CNOT1: variants seen among roughly 807,000 people sequenced by gnomAD.
The protein encoded by CNOT1 is CCR4-NOT transcription complex subunit 1, also known as CCR4-associated factor 1.
A neutral mutation model predicts 273.8 loss-of-function variants in CNOT1; 15 were observed. That is an observed-to-expected ratio of 0.05 (90% CI 0.04 to 0.08). The LOEUF (loss-of-function observed/expected upper bound fraction) is 0.08, where lower values mean the gene tolerates loss of function less well. Ranked by LOEUF, CNOT1 falls within the 10% of genes least tolerant of loss-of-function variation. The pLI is 1.00. For missense variants in CNOT1, 1,644 were observed against 2,912.2 expected, an observed-to-expected ratio of 0.56 and a Z score of 10.02; for synonymous variants, 1,022 against 1,005.5, an observed-to-expected ratio of 1.02 and a Z score of -0.31.
At position 58,586,663 on chromosome 16, in the gene CNOT1, G is replaced by A; in HGVS notation, c.519C>T (p.Phe173=). Reference sequence around the variant, plus strand: ...GTAGGACCTCTATTGCTATATCTTGGAAGCCACCTTCTTGATTTCCACTGA... The same window carrying A: ...GTAGGACCTCTATTGCTATATCTTGAAAGCCACCTTCTTGATTTCCACTGA... ...ADVSGNQEGG[F]QDIAIEVLHL... The change falls in exon 7 of 49, where the codon TTC becomes TTT. Residue 173 remains phenylalanine, a synonymous_variant. Coordinates refer to ENST00000317147, the MANE Select transcript of CNOT1 (RefSeq NM_016284.5). 6.2e-7 allele frequency: 1 copy of A among 1,613,188 alleles called. No individual in the cohort carries two copies. The highest frequency in any genetic ancestry group is 8.5e-7 in the Non-Finnish European group (1 of 1,179,882).
chr16:58,544,567 C>G (rs1259536476), intron 30 of CNOT1, among the ~76,000 whole-genome samples: 1 of 152,116 alleles, frequency 6.6e-6, no homozygotes, highest in Non-Finnish European at 1.5e-5. Flanking sequence ...CCCTCTAAAA[C>G]TAAGTACCAT....
chr16:58,525,902 A>G, intron 45 of CNOT1, 87 bp downstream of exon 45: 1 of 1,111,752 alleles, frequency 9.0e-7, no homozygotes, highest in Non-Finnish European at 1.3e-6. Flanking sequence ...ATAAAAGACT[A>G]ACTCCCAAAT....
chr16:58,609,277 C>A (rs2042801870), intron 1 of CNOT1, among the ~76,000 whole-genome samples: 1 of 151,732 alleles, frequency 6.6e-6, no homozygotes, highest in Non-Finnish European at 1.5e-5. Context: ...GAGGCTGAGG[C>A]AGGAGAATCA....
chr16:58,550,397 ACCT>A (rs1224941975), intron 24 of CNOT1, among the ~76,000 whole-genome samples: 5 of 152,034 alleles, frequency 3.3e-5, no homozygotes, highest in African/African-American at 1.2e-4. Context: ...AGACACCAAG[ACCT>A]CCTCTTCTCC....
At chr16:58,559,008 G>C (rs1427679960) in intron 17 of CNOT1, among the ~76,000 whole-genome samples, 4 of 152,154 alleles carry the variant, frequency 2.6e-5, no homozygotes, top group African/African-American at 4.8e-5. Flanking sequence ...CCCATCATGG[G>C]GATGGGACCC....
intron 25 of CNOT1, among the ~76,000 whole-genome samples, chr16:58,549,323 C>A (rs2040376199): frequency 3.0e-5 from 4 of 134,604 alleles, no homozygotes; most frequent in Admixed American, 1.5e-4. Context: ...GGGGCTACAG[C>A]AAAGAGCATT....
intron 1 of CNOT1, among the ~76,000 whole-genome samples, chr16:58,612,388 TA>T (rs1204182093): frequency 1.3e-5 from 2 of 152,180 alleles, no homozygotes; most frequent in East Asian, 3.8e-4. Flanking sequence ...CATTCTGACC[TA>T]AAAAAGGTCA....
chr16:58,566,062 C>G (rs2041030858), intron 16 of CNOT1, among the ~76,000 whole-genome samples: 1 of 152,264 alleles, frequency 6.6e-6, no homozygotes, highest in East Asian at 1.9e-4. Flanking sequence ...GTATTCTTCT[C>G]AGTGCATTTT....
chr16:58,600,638 T>TA (rs2152010230), intron 1 of CNOT1, among the ~76,000 whole-genome samples: 2 of 152,314 alleles, frequency 1.3e-5, no homozygotes, highest in African/African-American at 4.8e-5. Flanking sequence ...TGAATGGCTG[T>TA]ACAGGTAAGG....
Position 58,605,085 on chromosome 16 carries a change from G to A in CNOT1, c.-174-5574C>T, listed in dbSNP as rs540789674. 2.0e-5 allele frequency among the ~76,000 whole-genome samples: 3 copies of A among 152,208 alleles called. No homozygotes were observed. In the East Asian group the frequency reaches 5.8e-4, roughly 29 times the overall value. On this transcript the variant is annotated intron_variant, in intron 1 of 48. Coordinates refer to ENST00000317147, the MANE Select transcript of CNOT1 (RefSeq NM_016284.5). ...TGGGAGGCGGAGATTGCAGTGAGCC[G>A]AGATCGCGCCACTGCACTGCAGCGT...
rs536733829 is a variant in CNOT1 at position 58,595,801 on chromosome 16, G to T, written c.102+3435C>A. ...ATCACCAGTAATAAAGTATAACCAG[G>T]TGAATGGGAGAGGCAGTAACTAGCC... On this transcript the variant is annotated intron_variant, in intron 2 of 48. Coordinates refer to ENST00000317147, the MANE Select transcript of CNOT1 (RefSeq NM_016284.5). Among the ~76,000 whole-genome samples the T allele has an allele frequency of 3.3e-5, 5 of 152,272 alleles. No individual in the cohort carries two copies. In the South Asian group the frequency reaches 6.2e-4, roughly 19 times the overall value.
At chr16:58,611,337 G>A (rs1329188165) in intron 1 of CNOT1, among the ~76,000 whole-genome samples, 1 of 151,988 alleles carries the variant, frequency 6.6e-6, no homozygotes, top group Non-Finnish European at 1.5e-5. Flanking sequence ...GCTGAGGCAG[G>A]GGAATTGCTT....
Position 58,521,208 on chromosome 16 carries a change from C to A in CNOT1, c.7027G>T (p.Val2343Leu). Residue 2343 changes from valine to leucine, a missense_variant, in exon 48 of 49, where the codon GTA (valine) becomes TTA (leucine). Val to Leu is a conservative substitution (Grantham distance 32). Transcript: ENST00000317147. The part of the protein sequence containing the change: ...PAFKFWNHEF[V>L]HCAPEIEKLF... ...TTTTCGATTTCTGGGGCACAGTGTA[C>A]AAATTCATGGTTCCAGAACTTAAAC... 1 of 1,614,044 alleles carries A rather than the reference C, an allele frequency of 6.2e-7. No individual in the cohort carries two copies. Among genetic ancestry groups the A allele is most frequent in the Non-Finnish European group, 8.5e-7 (1 of 1,180,000 alleles).
At chr16:58,620,356 A>T (rs992601260) in intron 1 of CNOT1, among the ~76,000 whole-genome samples, 25 of 152,066 alleles carry the variant, frequency 1.6e-4, no homozygotes, top group South Asian at 6.2e-4. Flanking sequence ...AAAAAGACGA[A>T]GAGGCTGGGT....
intron 40 of CNOT1, 173 bp from the exon 41 acceptor site, chr16:58,532,568 T>A: frequency 3.5e-6 from 4 of 1,158,470 alleles, no homozygotes; most frequent in Non-Finnish European, 4.7e-6. Flanking sequence ...TTGGTCTGAC[T>A]CCGCCTTCAG....
At chr16:58,560,183 A>C in intron 17 of CNOT1, 29 bp downstream of exon 17, 1 of 1,608,446 alleles carries the variant, frequency 6.2e-7, no homozygotes, top group East Asian at 2.2e-5. Context: ...ATGGCAAATG[A>C]AGATGTATCA....
intron 47 of CNOT1, 90 bp downstream of exon 47, chr16:58,523,280 C>G: frequency 1.5e-6 from 2 of 1,362,528 alleles, no homozygotes; most frequent in African/African-American, 1.5e-5. Context: ...AACGGATTTT[C>G]ACTGAACACT....
chr16:58,532,627 T>G, intron 40 of CNOT1: 1 of 616,096 alleles, frequency 1.6e-6, no homozygotes, highest in East Asian at 3.2e-5. Context: ...CACACCTGAA[T>G]ATTCTCCACA....
intron 1 of CNOT1, among the ~76,000 whole-genome samples, chr16:58,621,039 A>G (rs910238213): frequency 9.9e-5 from 15 of 151,404 alleles, no homozygotes; most frequent in South Asian, 2.1e-4. Context: ...CTTTTTTTTG[A>G]GACAGAGTCT....
Sources: allele counts gnomAD v4.1 joint callset (sites outside exome capture counted in the v4.1 genomes callset), GRCh38; gene constraint gnomAD v4.1.1; transcripts MANE v1.5; gene names NCBI Gene and HGNC (gene_info 2026-07-23, HGNC 2026-07-21).